The following SORCS2 variants were observed in gnomAD, a reference collection of about 807,000 sequenced individuals.
SORCS2 encodes the protein sortilin related VPS10 domain containing receptor 2.
SORCS2 carries 100 observed loss-of-function variants against 141.6 expected under a neutral mutation model. The observed-to-expected ratio is 0.71, with a 90% CI of 0.60 to 0.83. SORCS2 has a LOEUF of 0.83. Among genes scored for constraint, SORCS2 ranks in the 40% least tolerant of loss-of-function variants. The probability of loss-of-function intolerance (pLI) is 0.00; values close to 1 mark genes in which losing one functional copy is unlikely to be tolerated. For missense variants in SORCS2, 1,646 were observed against 1,560.2 expected, an observed-to-expected ratio of 1.05 and a Z score of -0.93; for synonymous variants, 789 against 676.9, an observed-to-expected ratio of 1.17 and a Z score of -2.57.
At chr4:7,460,009 C>T in intron 2 of SORCS2, 2 of 154,982 alleles carry the variant, frequency 1.3e-5, no homozygotes, top group Middle Eastern at 1.0e-3. Context: ...TGGCCCTGAG[C>T]ATCCAATCTG....
At chr4:7,599,347 T>A (rs1338751768) in intron 3 of SORCS2, among the ~76,000 whole-genome samples, 1 of 152,176 alleles carries the variant, frequency 6.6e-6, no homozygotes, top group South Asian at 2.1e-4. Flanking sequence ...TGCCAGGCAC[T>A]TGGCACGGGT....
rs981442950 is a variant in SORCS2, at chr4:7,667,283, G to A, written c.1161+70G>A. On this transcript the variant is annotated intron_variant, in intron 8 of 26. Transcript: ENST00000507866. ...GCTTATCCTGACTCATGGGGCAACA[G>A]GACTCACACACAGGTGCTTGGCGGT... 5.6e-6 allele frequency: 8 copies of A among 1,416,488 alleles called. No homozygotes were observed. In the African/African-American group the frequency reaches 1.1e-4, roughly 20 times the overall value. The allele number at this position is 1,416,488 out of a possible 1,614,324, so 87.7% of individuals were successfully genotyped here.
At chr4:7,457,172 C>T (rs145291779) in intron 2 of SORCS2, among the ~76,000 whole-genome samples, 56 of 152,328 alleles carry the variant, frequency 3.7e-4, no homozygotes, top group African/African-American at 1.3e-3. Flanking sequence ...ACAGATTCCC[C>T]GCCACCAGTT....
At chr4:7,504,102 C>A (rs1158687689) in intron 2 of SORCS2, among the ~76,000 whole-genome samples, 6 of 152,214 alleles carry the variant, frequency 3.9e-5, no homozygotes, top group African/African-American at 1.2e-4. Context: ...GCCTGGGTGC[C>A]AGGGGTAGGG....
chr4:7,738,724 C>A (rs940729974), intron 26 of SORCS2, among the ~76,000 whole-genome samples: 8 of 152,174 alleles, frequency 5.3e-5, no homozygotes, highest in African/African-American at 1.7e-4. Context: ...ACCACTGTCC[C>A]CACTGTGCAA....
rs749077261 is a variant in SORCS2, at chr4:7,661,500, G to C, written c.888G>C (p.Trp296Cys). ...QERVTKDHVF[W>C]SVSGVDADPD... ...CCCAGCCTCAGCTCTTCTTTTCCAG[G>C]TCTGTGTCTGGGGTGGACGCTGACC... The change falls in exon 6 of 27, where the codon TGG (tryptophan) becomes TGC (cysteine). Residue 296 changes from tryptophan (W) to cysteine (C), a missense_variant and splice_region_variant. Trp to Cys is a radical substitution (Grantham distance 215). Transcript: ENST00000507866. The C allele has an allele frequency of 6.4e-7, 1 of 1,551,686 alleles. No individual in the cohort carries two copies. The highest frequency in any genetic ancestry group is 8.7e-7 in the Non-Finnish European group (1 of 1,146,986).
chr4:7,659,658 G>A (rs989875728), intron 5 of SORCS2, among the ~76,000 whole-genome samples: 1 of 152,216 alleles, frequency 6.6e-6, no homozygotes, highest in Admixed American at 6.5e-5. Flanking sequence ...TACTGGAAAA[G>A]CCAGGAGAGA....
At position 7,424,448 on chromosome 4, in the gene SORCS2, G is replaced by A. The variant is rs530662524; in HGVS notation, c.548+28093G>A. 2.6e-5 allele frequency among the ~76,000 whole-genome samples: 4 copies of A among 152,314 alleles called. No individual in the cohort carries two copies. In the East Asian group the frequency reaches 5.8e-4, roughly 22 times the overall value. On this transcript the variant is annotated intron_variant, in intron 2 of 26. Coordinates refer to ENST00000507866, the MANE Select transcript of SORCS2 (RefSeq NM_020777.3). Reference sequence around the variant, plus strand: ...CTGCCTCTGTCCACCCAGTGTGAACGCTGTGCCCAGCCCCTTGGCTATAAA... The same window carrying A: ...CTGCCTCTGTCCACCCAGTGTGAACACTGTGCCCAGCCCCTTGGCTATAAA...
chr4:7,654,301 T>G, intron 5 of SORCS2, 94 bp downstream of exon 5: 1 of 1,294,846 alleles, frequency 7.7e-7, no homozygotes, highest in Non-Finnish European at 1.1e-6. Flanking sequence ...TGCAGCTCCC[T>G]TTCCTCCTCT....
intron 3 of SORCS2, among the ~76,000 whole-genome samples, chr4:7,562,017 T>C (rs1714627004): frequency 6.6e-6 from 1 of 152,246 alleles, no homozygotes; most frequent in African/African-American, 2.4e-5. Context: ...ACGTACTTGA[T>C]CTGTACAAAG....
intron 2 of SORCS2, among the ~76,000 whole-genome samples, chr4:7,428,204 T>C (rs1726587408): frequency 1.3e-5 from 2 of 152,200 alleles, no homozygotes; most frequent in South Asian, 2.1e-4. Flanking sequence ...TATTCATTTA[T>C]TGAAAGATGG....
intron 1 of SORCS2, among the ~76,000 whole-genome samples, chr4:7,328,679 G>A (rs1719439780): frequency 6.6e-6 from 1 of 152,028 alleles, no homozygotes; most frequent in African/African-American, 2.4e-5. Flanking sequence ...TCACGGACTT[G>A]GGTATGTCAG....
At chr4:7,724,555 G>A (rs1726947525) in intron 19 of SORCS2, among the ~76,000 whole-genome samples, 1 of 114,878 alleles carries the variant, frequency 8.7e-6, no homozygotes, top group African/African-American at 2.8e-5. Context: ...GTAGTGGTGG[G>A]AATGGATGGT....
rs574301919 is a variant in SORCS2 at position 7,214,693 on chromosome 4, C to A, written c.480+21567C>A. 9.5e-4 allele frequency among the ~76,000 whole-genome samples: 145 copies of A among 152,330 alleles called. 1 individual carries two copies. The highest frequency in any genetic ancestry group is 3.4e-3 in the African/African-American group (140 of 41,572). On this transcript the variant is annotated intron_variant, in intron 1 of 26. Coordinates refer to ENST00000507866, the MANE Select transcript of SORCS2 (RefSeq NM_020777.3). ...GGGATACCTCCAGTGATGGGAGGCT[C>A]ACCCCTTGTAGAGACAGCACATTCC...
chr4:7,509,728 C>A (rs1732498692), intron 2 of SORCS2, among the ~76,000 whole-genome samples: 1 of 152,184 alleles, frequency 6.6e-6, no homozygotes, highest in Non-Finnish European at 1.5e-5. Context: ...TATGCCCCAT[C>A]TGGGCTCTGG....
At chr4:7,341,115 C>T (rs187878450) in intron 1 of SORCS2, among the ~76,000 whole-genome samples, 52 of 152,342 alleles carry the variant, frequency 3.4e-4, no homozygotes, top group African/African-American at 1.0e-3. Context: ...TTGTTGACTG[C>T]AGCGTCTCAG....
At chr4:7,623,845 G>A (rs1195107835) in intron 3 of SORCS2, among the ~76,000 whole-genome samples, 1 of 152,108 alleles carries the variant, frequency 6.6e-6, no homozygotes, top group Admixed American at 6.5e-5. Flanking sequence ...TCCACCCCCA[G>A]CCCTGGTTCA....
chr4:7,493,279 G>C (rs1731417326), intron 2 of SORCS2, among the ~76,000 whole-genome samples: 1 of 152,192 alleles, frequency 6.6e-6, no homozygotes, highest in African/African-American at 2.4e-5. Context: ...TAAGTTTAGT[G>C]GAGTTTAGAA....
chr4:7,703,524 G>A (rs534596659), intron 13 of SORCS2, among the ~76,000 whole-genome samples, 153 bp downstream of exon 13: 3 of 152,174 alleles, frequency 2.0e-5, no homozygotes, highest in Non-Finnish European at 4.4e-5. Context: ...CCGGGGCTGG[G>A]ACACACCTCA....
Sources: gnomAD v4.1 joint callset for allele counts (sites outside exome capture counted in the v4.1 genomes callset) on GRCh38, gnomAD v4.1.1 for gene constraint, MANE v1.5 for transcripts, NCBI Gene and HGNC (gene_info 2026-07-23, HGNC 2026-07-21) for gene names.